Variants in ZFAT observed in about 807,000 individuals in gnomAD.
ZFAT encodes the protein zinc finger and AT-hook domain containing, also known as zinc finger protein ZFAT.
In ZFAT, 64 loss-of-function variants were observed where a neutral mutation model predicts 117.7. The observed-to-expected ratio is 0.54, with a 90% CI of 0.44 to 0.67. The LOEUF is 0.67. Among genes scored for constraint, ZFAT ranks in the 30% least tolerant of loss-of-function variants. The pLI is 0.00. For missense variants in ZFAT, 1,433 were observed against 1,584.5 expected (o/e 0.90, Z 1.62); for synonymous variants, 679 against 615.0 (o/e 1.10, Z -1.54).
At chr8:134,716,350 A>G (rs1320369418), upstream of ZFAT, among the ~76,000 whole-genome samples, 1 of 152,218 alleles carries the variant, frequency 6.6e-6, no homozygotes, top group Non-Finnish European at 1.5e-5. Context: ...TAGTAATGCT[A>G]GAACTATATG....
rs199682848 is a variant in ZFAT at position 134,602,067 on chromosome 8, G to A, written c.1652C>T (p.Ala551Val). The A allele has an allele frequency of 2.5e-5, 40 of 1,611,378 alleles. No homozygotes were observed. Among genetic ancestry groups the A allele is most frequent in the Middle Eastern group, 1.6e-4 (1 of 6,076 alleles). ...QLEEGRKEPE[A>V]PGEMPAPAVH... ...AGCTGGGGCAGGCATTTCCCCAGGG[G>A]CCTCCGGCTCCTTCCGGCCCTCCTC... Residue 551 changes from alanine (A) to valine (V), a missense_variant, in exon 6 of 16, where the codon GCC becomes GTC. Transcript: ENST00000377838.
chr8:134,617,795 G>A (rs1828850323), intron 3 of ZFAT, among the ~76,000 whole-genome samples: 1 of 152,176 alleles, frequency 6.6e-6, no homozygotes, highest in South Asian at 2.1e-4. Flanking sequence ...CCACAGGCTT[G>A]ATTCACTAAA....
intron 1 of ZFAT, among the ~76,000 whole-genome samples, chr8:134,671,688 T>G (rs1414690300): frequency 6.6e-6 from 1 of 152,198 alleles, no homozygotes; most frequent in Non-Finnish European, 1.5e-5. Context: ...CTTTAAAAAC[T>G]GGCACAAGAC....
chr8:134,484,876 G>A (rs1300915911), intron 15 of ZFAT, among the ~76,000 whole-genome samples: 3 of 152,190 alleles, frequency 2.0e-5, no homozygotes, highest in African/African-American at 4.8e-5. Context: ...GCTCACTGCA[G>A]CCTCAAACTC....
intron 15 of ZFAT, among the ~76,000 whole-genome samples, chr8:134,494,961 C>T (rs2130180713): frequency 6.6e-6 from 1 of 152,324 alleles, no homozygotes; most frequent in East Asian, 1.9e-4. Flanking sequence ...TTCAAATCCA[C>T]ATGACCCACG....
At chr8:134,509,529 G>A (rs2130358875) in intron 15 of ZFAT, 90 bp downstream of exon 15, 1 of 1,567,256 alleles carries the variant, frequency 6.4e-7, no homozygotes, top group South Asian at 1.1e-5. Context: ...TCTACCTCAG[G>A]TAAGTTAAAG....
At chr8:134,757,375 C>T in the ZFAT span, among the ~76,000 whole-genome samples, 1 of 152,052 alleles carries the variant, frequency 6.6e-6, no homozygotes, top group African/African-American at 2.4e-5. Flanking sequence ...TTCTGCATTC[C>T]ACTCTCCAGC....
intron 8 of ZFAT, among the ~76,000 whole-genome samples, chr8:134,589,884 C>T (rs1259734402): frequency 6.6e-6 from 1 of 152,206 alleles, no homozygotes; most frequent in Non-Finnish European, 1.5e-5. Flanking sequence ...ATGGTCTCTC[C>T]AACTCAAGGA....
intron 15 of ZFAT, among the ~76,000 whole-genome samples, chr8:134,486,932 G>A (rs78693047): frequency 1.3e-5 from 2 of 152,170 alleles, no homozygotes; most frequent in African/African-American, 2.4e-5. Flanking sequence ...GTGTGCATGT[G>A]TGTATATGTG....
At chr8:134,729,275 G>T in the ZFAT span, among the ~76,000 whole-genome samples, 2 of 152,170 alleles carry the variant, frequency 1.3e-5, no homozygotes, top group Admixed American at 6.5e-5. Flanking sequence ...CTGTAAAATT[G>T]GGAGATGGCT....
intron 2 of ZFAT, among the ~76,000 whole-genome samples, chr8:134,653,816 A>G (rs1831429186): frequency 6.6e-6 from 1 of 152,202 alleles, no homozygotes; most frequent in African/African-American, 2.4e-5. Context: ...TTAAGGCTGC[A>G]GAACACATAT....
the ZFAT span, among the ~76,000 whole-genome samples, chr8:134,737,307 TA>T: frequency 1.7e-5 from 2 of 119,824 alleles, no homozygotes; most frequent in Admixed American, 7.7e-5. Context: ...AAAATAAAAA[TA>T]AAAAAATAAA....
chr8:134,543,354 T>C (rs974191506), intron 11 of ZFAT, among the ~76,000 whole-genome samples: 3 of 152,266 alleles, frequency 2.0e-5, no homozygotes, highest in African/African-American at 7.2e-5. Flanking sequence ...CACCTCTCTG[T>C]GATAGTCAGC....
At chr8:134,802,281 T>TA in the ZFAT span, among the ~76,000 whole-genome samples, 2 of 151,806 alleles carry the variant, frequency 1.3e-5, no homozygotes, top group Non-Finnish European at 1.5e-5. Context: ...ATATTCAAAC[T>TA]AAAAAAAAGA....
chr8:134,515,527 T>C (rs1325599067), intron 13 of ZFAT, among the ~76,000 whole-genome samples: 2 of 152,230 alleles, frequency 1.3e-5, no homozygotes, highest in Admixed American at 6.5e-5. Context: ...TGGTATCTCA[T>C]TGTGGTTTTG....
intron 1 of ZFAT, 127 bp downstream of exon 1, chr8:134,712,718 C>A: frequency 1.2e-6 from 1 of 824,852 alleles, no homozygotes; most frequent in South Asian, 2.1e-5. Context: ...CGGATCCCTC[C>A]GCGGCCGGCG....
At chr8:134,829,661 T>C in the ZFAT span, among the ~76,000 whole-genome samples, 1 of 152,238 alleles carries the variant, frequency 6.6e-6, no homozygotes, top group Non-Finnish European at 1.5e-5. Flanking sequence ...TCTCACATAA[T>C]ATAACCAACT....
intron 1 of ZFAT, among the ~76,000 whole-genome samples, chr8:134,658,254 G>A (rs774195965): frequency 5.0e-4 from 76 of 150,882 alleles, no homozygotes; most frequent in Admixed American, 9.3e-4. Context: ...GGAGGATGGC[G>A]TGAACCCGGG....
intron 7 of ZFAT, among the ~76,000 whole-genome samples, chr8:134,596,154 T>C (rs1826912732): frequency 6.6e-6 from 1 of 152,190 alleles, no homozygotes; most frequent in Non-Finnish European, 1.5e-5. Context: ...CCTGCCATGA[T>C]CACAGTCCTA....
Sources: gnomAD v4.1 joint callset for allele counts (sites outside exome capture counted in the v4.1 genomes callset) on GRCh38, gnomAD v4.1.1 for gene constraint, MANE v1.5 for transcripts, NCBI Gene and HGNC (gene_info 2026-07-23, HGNC 2026-07-21) for gene names.